Variants in USH2A observed in about 807,000 individuals in gnomAD.
USH2A encodes the protein usherin.
USH2A carries 443 observed loss-of-function variants against 538.9 expected under a neutral mutation model. The ratio of observed to expected loss-of-function variants is 0.82; its 90% CI spans 0.76 to 0.89. The LOEUF is 0.89. Among genes scored for constraint, USH2A ranks in the 40% least tolerant of loss-of-function variants. The pLI, the probability that USH2A is intolerant of heterozygous loss-of-function variation, is 0.00. For missense variants in USH2A, 6,633 were observed against 6,324.8 expected (o/e 1.05, Z -1.65); for synonymous variants, 2,413 against 2,273.5 (o/e 1.06, Z -1.75).
At chr1:216,400,959 C>T (rs1423574263) in intron 3 of USH2A, among the ~76,000 whole-genome samples, 1 of 151,776 alleles carries the variant, frequency 6.6e-6, no homozygotes, top group Non-Finnish European at 1.5e-5. Context: ...TAAATAGAAA[C>T]AAAATGATAA....
intron 21 of USH2A, among the ~76,000 whole-genome samples, chr1:216,118,825 A>G (rs921800242): frequency 6.6e-6 from 1 of 152,182 alleles, no homozygotes; most frequent in African/African-American, 2.4e-5. Flanking sequence ...TAAAGACCTC[A>G]ACAGGTCCCC....
chr1:216,167,226 C>T (rs1302623203), intron 21 of USH2A, among the ~76,000 whole-genome samples: 8 of 152,050 alleles, frequency 5.3e-5, no homozygotes. Flanking sequence ...GTCAGAGAAG[C>T]ACCGCCCCCC....
intron 60 of USH2A, 148 bp downstream of exon 60, chr1:215,741,227 C>A: frequency 9.9e-7 from 1 of 1,007,140 alleles, no homozygotes; most frequent in Non-Finnish European, 1.4e-6. Flanking sequence ...TACAAACAAA[C>A]AAACAAACAT....
chr1:216,218,815 T>G (rs943746230), intron 14 of USH2A, among the ~76,000 whole-genome samples: 1 of 152,094 alleles, frequency 6.6e-6, no homozygotes, highest in Admixed American at 6.6e-5. Context: ...TTTGTTTAGG[T>G]TAAGTTTTAG....
chr1:216,354,747 T>C (rs1214233215), intron 4 of USH2A, among the ~76,000 whole-genome samples: 2 of 151,616 alleles, frequency 1.3e-5, no homozygotes, highest in African/African-American at 2.4e-5. Context: ...GTACCCAATA[T>C]CTATGGGACA....
intron 12 of USH2A, among the ~76,000 whole-genome samples, chr1:216,248,635 T>A (rs958735774): frequency 6.6e-6 from 1 of 152,046 alleles, no homozygotes; most frequent in African/African-American, 2.4e-5. Context: ...TCATTTAATT[T>A]CAATAAGGAA....
chr1:215,884,201 G>A (rs1037481865), intron 41 of USH2A, among the ~76,000 whole-genome samples: 8 of 152,252 alleles, frequency 5.3e-5, no homozygotes, highest in East Asian at 1.9e-4. Context: ...AAACCTGCAC[G>A]TTCTGTACAT....
At chr1:216,091,858 G>A (rs982497944) in intron 22 of USH2A, among the ~76,000 whole-genome samples, 3 of 151,978 alleles carry the variant, frequency 2.0e-5, no homozygotes, top group South Asian at 4.1e-4. Context: ...TAAGCATCTC[G>A]TTTTTTCCTG....
At chr1:215,767,969 G>C (rs1661178831) in intron 55 of USH2A, among the ~76,000 whole-genome samples, 1 of 152,118 alleles carries the variant, frequency 6.6e-6, no homozygotes, top group South Asian at 2.1e-4. Flanking sequence ...ATTGAACTAA[G>C]TTACAGATGA....
At chr1:215,837,904 T>C (rs1663575968) in intron 47 of USH2A, 87 bp downstream of exon 47, 2 of 1,087,568 alleles carry the variant, frequency 1.8e-6, no homozygotes, top group African/African-American at 1.5e-5. Context: ...TAAATGAGAT[T>C]GTCATGGCTG....
intron 14 of USH2A, among the ~76,000 whole-genome samples, chr1:216,221,039 G>A (rs1318078037): frequency 6.6e-6 from 1 of 152,078 alleles, no homozygotes; most frequent in East Asian, 1.9e-4. Context: ...TTTTCCATCA[G>A]TCCCTAACAC....
chr1:215,767,943 G>A (rs1320348826), intron 55 of USH2A, among the ~76,000 whole-genome samples: 8 of 152,078 alleles, frequency 5.3e-5, no homozygotes, highest in Admixed American at 3.3e-4. Flanking sequence ...ACAGGACTGA[G>A]CCTATTTGTT....
intron 2 of USH2A, among the ~76,000 whole-genome samples, chr1:216,419,303 A>G (rs2039636914): frequency 6.6e-6 from 1 of 152,166 alleles, no homozygotes; most frequent in African/African-American, 2.4e-5. Flanking sequence ...CATGTTAAAT[A>G]TCTGAGGTGA....
intron 4 of USH2A, among the ~76,000 whole-genome samples, chr1:216,342,608 C>G (rs777279773): frequency 1.3e-5 from 2 of 152,078 alleles, no homozygotes; most frequent in African/African-American, 2.4e-5. Context: ...CAATGATAGA[C>G]TGGATAAAGA....
intron 18 of USH2A, 25 bp downstream of exon 18, chr1:216,198,290 T>G (rs745467898): frequency 4.9e-5 from 79 of 1,613,470 alleles, no homozygotes; most frequent in Non-Finnish European, 6.6e-5. Context: ...GTTTTAAAAG[T>G]AGAATTTAAA....
chr1:215,833,155 T>C (rs1663372247), intron 47 of USH2A, among the ~76,000 whole-genome samples: 1 of 151,940 alleles, frequency 6.6e-6, no homozygotes. Flanking sequence ...ACAAATTCAA[T>C]GCAGTTCTAA....
chr1:215,905,719 A>G (rs779160876), intron 38 of USH2A, among the ~76,000 whole-genome samples: 9 of 151,956 alleles, frequency 5.9e-5, no homozygotes, highest in Non-Finnish European at 1.0e-4. Flanking sequence ...CTCATTCCCT[A>G]GGGCTCCCAC....
At position 216,056,524 on chromosome 1, in the gene USH2A, T is replaced by G. The variant is rs545673434; in HGVS notation, c.6050-7877A>C. On this transcript the variant is annotated intron_variant, in intron 30 of 71. Transcript: ENST00000307340. ...ACCCCAAGATCATTACTCCTCCCAT[T>G]TGACCTAAGCTCCAGTTCCACAAAC... Among the ~76,000 whole-genome samples the G allele has an allele frequency of 3.3e-5, 5 of 152,288 alleles. No individual in the cohort carries two copies. In the East Asian group the frequency reaches 7.7e-4, roughly 24 times the overall value.
intron 32 of USH2A, among the ~76,000 whole-genome samples, chr1:216,044,916 G>C (rs193054614): frequency 3.7e-4 from 57 of 152,180 alleles, no homozygotes; most frequent in Non-Finnish European, 6.6e-4. Context: ...AATTGTTCTT[G>C]TCCTTTTAAG....
Sources: gnomAD v4.1 joint callset for allele counts (sites outside exome capture counted in the v4.1 genomes callset) on GRCh38, gnomAD v4.1.1 for gene constraint, MANE v1.5 for transcripts, NCBI Gene and HGNC (gene_info 2026-07-23, HGNC 2026-07-21) for gene names.